CHSY3: variants seen among roughly 807,000 people sequenced by gnomAD.
The protein encoded by CHSY3 is chondroitin sulfate synthase 3, also known as N-acetylgalactosaminyl-proteoglycan 3-beta-glucuronosyltransferase 3.
CHSY3 carries 35 observed loss-of-function variants against 67.2 expected under a neutral mutation model. The observed-to-expected ratio is 0.52, with a 90% confidence interval of 0.40 to 0.69. The LOEUF is 0.69. CHSY3 is among the 30% of genes least tolerant of loss of function. The pLI is 0.00. For missense variants in CHSY3, 1,069 were observed against 1,138.5 expected, an observed-to-expected ratio of 0.94 and a Z score of 0.88; for synonymous variants, 474 against 434.7, an observed-to-expected ratio of 1.09 and a Z score of -1.12.
intron 2 of CHSY3, among the ~76,000 whole-genome samples, chr5:130,095,175 C>T (rs2149695160): frequency 6.6e-6 from 1 of 152,234 alleles, no homozygotes; most frequent in South Asian, 2.1e-4. Context: ...AGTTAATATA[C>T]ATACCTATAT....
In CHSY3 at chr5:130,012,193, C is replaced by G. The variant is rs1764084361; in HGVS notation, c.1086+103833C>G. 1.3e-5 allele frequency among the ~76,000 whole-genome samples: 2 copies of G among 152,148 alleles called. 1 individual carries two copies. Among genetic ancestry groups the G allele is most frequent in the South Asian group, 4.1e-4 (2 of 4,836 alleles). On this transcript the variant is annotated intron_variant, in intron 2 of 2. Transcript: ENST00000305031. ...CCAGAGGCATAACACTGCCAGGAGTCAAACTACAAATGCTGCCGTAAGCAA... is the reference window on the plus strand; with the variant it reads ...CCAGAGGCATAACACTGCCAGGAGTGAAACTACAAATGCTGCCGTAAGCAA...
intron 2 of CHSY3, among the ~76,000 whole-genome samples, chr5:130,163,788 T>A (rs919099625): frequency 2.0e-5 from 3 of 152,122 alleles, no homozygotes; most frequent in Admixed American, 6.5e-5. Flanking sequence ...GATAGAGGAA[T>A]AAATTAGAAA....
chr5:130,124,793 T>C (rs777419844), intron 2 of CHSY3, among the ~76,000 whole-genome samples: 4 of 152,142 alleles, frequency 2.6e-5, no homozygotes, highest in Non-Finnish European at 4.4e-5. Context: ...ATGGCACATG[T>C]ATTCCTATGT....
chr5:130,141,421 A>G (rs1580775136), intron 2 of CHSY3: 1 of 369,194 alleles, frequency 2.7e-6, no homozygotes, highest in Non-Finnish European at 5.4e-6. Flanking sequence ...TTCCTCCTGC[A>G]TCCCATGGTG....
At chr5:130,059,630 A>T (rs1765646045) in intron 2 of CHSY3, among the ~76,000 whole-genome samples, 1 of 152,174 alleles carries the variant, frequency 6.6e-6, no homozygotes, top group Non-Finnish European at 1.5e-5. Context: ...ATAAAATAAG[A>T]GTCCCAAGTT....
chr5:130,070,203 A>C (rs752508403), intron 2 of CHSY3, among the ~76,000 whole-genome samples: 1 of 152,112 alleles, frequency 6.6e-6, no homozygotes, highest in Non-Finnish European at 1.5e-5. Flanking sequence ...CTACCTATGA[A>C]AATACTTCTC....
At chr5:130,154,544 C>T (rs903169299) in intron 2 of CHSY3, among the ~76,000 whole-genome samples, 6 of 152,140 alleles carry the variant, frequency 3.9e-5, no homozygotes, top group African/African-American at 1.4e-4. Flanking sequence ...TCTATCCATC[C>T]AGCGTTGTGA....
intron 2 of CHSY3, among the ~76,000 whole-genome samples, chr5:129,934,813 A>T (rs1761434022): frequency 6.6e-6 from 1 of 152,206 alleles, no homozygotes; most frequent in Non-Finnish European, 1.5e-5. Context: ...AAGCAATGAG[A>T]AAACAGGTTG....
chr5:130,035,999 A>AAAG (rs1764852991), intron 2 of CHSY3, among the ~76,000 whole-genome samples: 1 of 151,168 alleles, frequency 6.6e-6, no homozygotes, highest in South Asian at 2.1e-4. Context: ...ACATTCTAAA[A>AAAG]ATGTGGCAAG....
At chr5:129,921,318 C>T (rs186022653) in intron 2 of CHSY3, among the ~76,000 whole-genome samples, 39 of 152,232 alleles carry the variant, frequency 2.6e-4, no homozygotes, top group Middle Eastern at 3.4e-3. Context: ...CACTATGATA[C>T]CTTGACAGTC....
In CHSY3 at chr5:130,077,699, C is replaced by T. The variant is rs922585354; in HGVS notation, c.1087-106530C>T. ...ATCAGAGAAGTCTGAATATCAAAAGCGGATAATTCACAATTACTGACTAGC... is the reference window on the plus strand; with the variant it reads ...ATCAGAGAAGTCTGAATATCAAAAGTGGATAATTCACAATTACTGACTAGC... On this transcript the variant is annotated intron_variant, in intron 2 of 2. Transcript: ENST00000305031. Among the ~76,000 whole-genome samples, 19 of 151,964 alleles carry T rather than the reference C, an allele frequency of 1.3e-4. No homozygotes were observed. The South Asian group carries it at 3.7e-3, about 30-fold the overall frequency.
Position 130,002,632 on chromosome 5 carries a change from A to G in CHSY3, c.1086+94272A>G, listed in dbSNP as rs535006833. ...CCACCAAGAGCAAATGAGATCCTAAAGAGACATAGAAGCTAGAGACATAAA... is the reference window on the plus strand; with the variant it reads ...CCACCAAGAGCAAATGAGATCCTAAGGAGACATAGAAGCTAGAGACATAAA... On this transcript the variant is annotated intron_variant, in intron 2 of 2. Coordinates refer to ENST00000305031, the MANE Select transcript of CHSY3 (RefSeq NM_175856.5). Among the ~76,000 whole-genome samples the G allele has an allele frequency of 2.6e-5, 4 of 152,274 alleles. No individual in the cohort carries two copies. The South Asian group carries it at 6.2e-4, about 24-fold the overall frequency.
intron 2 of CHSY3, among the ~76,000 whole-genome samples, chr5:129,916,066 C>T (rs1276787843): frequency 6.6e-6 from 1 of 152,180 alleles, no homozygotes. Context: ...AGAGATAATA[C>T]AGTTATGGTC....
chr5:130,183,629 G>A (rs1242935101), intron 2 of CHSY3, among the ~76,000 whole-genome samples: 1 of 151,982 alleles, frequency 6.6e-6, no homozygotes, highest in African/African-American at 2.4e-5. Context: ...TATAGCTAGA[G>A]GTTCATTTGC....
At chr5:130,083,881 C>T (rs182733555) in intron 2 of CHSY3, among the ~76,000 whole-genome samples, 20 of 151,406 alleles carry the variant, frequency 1.3e-4, no homozygotes, top group East Asian at 3.9e-4. Flanking sequence ...AACAGATGTA[C>T]GCTGGTCTTT....
intron 2 of CHSY3, among the ~76,000 whole-genome samples, chr5:130,165,247 G>A (rs1337422207): frequency 6.6e-6 from 1 of 152,116 alleles, no homozygotes; most frequent in Non-Finnish European, 1.5e-5. Context: ...AAAGTTCTTG[G>A]GATTTTGGAC....
Position 129,904,848 on chromosome 5 carries a change from C to A in CHSY3, c.19C>A (p.Arg7Ser), listed in dbSNP as rs1189178173. 3.4e-6 allele frequency: 5 copies of A among 1,452,760 alleles called. No individual in the cohort carries two copies. Among genetic ancestry groups the A allele is most frequent in the African/African-American group, 1.5e-5 (1 of 68,570 alleles). The allele number at this position is 1,452,760 out of a possible 1,614,324, so 90.0% of individuals were successfully genotyped here. The stretch of plus-strand genomic sequence containing the variant: ...AGCCGCGATGGCTGTGCGCTCTCGC[C>A]GCCCGTGGATGAGCGTGGCATTAGG... Reference protein sequence around the residue: MAVRSRRPWMSVALGLV... With the variant: MAVRSRSPWMSVALGLV... Residue 7 changes from arginine (R) to serine (S), a missense_variant, in exon 1 of 3, where the codon CGC becomes AGC. Physicochemically the swap from Arg to Ser is moderately radical, Grantham distance 110 (BLOSUM62 -1). Coordinates refer to ENST00000305031, the MANE Select transcript of CHSY3 (RefSeq NM_175856.5).
chr5:130,022,218 T>C (rs188732183), intron 2 of CHSY3, among the ~76,000 whole-genome samples: 2 of 152,208 alleles, frequency 1.3e-5, no homozygotes, highest in East Asian at 3.9e-4. Context: ...TTCTCAGTAA[T>C]TAGGGTTTAC....
chr5:129,926,004 T>C (rs780093884), intron 2 of CHSY3, among the ~76,000 whole-genome samples: 1 of 152,076 alleles, frequency 6.6e-6, no homozygotes, highest in Non-Finnish European at 1.5e-5. Context: ...AAGAGGATAA[T>C]GGACATATAG....
Sources: gnomAD v4.1 joint callset for allele counts (sites outside exome capture counted in the v4.1 genomes callset) on GRCh38, gnomAD v4.1.1 for gene constraint, MANE v1.5 for transcripts, NCBI Gene and HGNC (gene_info 2026-07-23, HGNC 2026-07-21) for gene names.